The following PDE3B variants were observed in gnomAD, a reference collection of about 807,000 sequenced individuals.
The protein encoded by PDE3B is phosphodiesterase 3B.
A neutral mutation model predicts 116.8 loss-of-function variants in PDE3B; 66 were observed. That is an observed-to-expected ratio of 0.56 (90% CI 0.46 to 0.69). The LOEUF (loss-of-function observed/expected upper bound fraction) is 0.69, where lower values mean the gene tolerates loss of function less well. Among genes scored for constraint, PDE3B ranks in the 30% least tolerant of loss-of-function variants. The pLI is 0.00. For synonymous variants in PDE3B, 595 were observed against 533.6 expected, an observed-to-expected ratio of 1.12 and a Z score of -1.59; for missense variants, 1,384 against 1,368.1, an observed-to-expected ratio of 1.01 and a Z score of -0.18.
At chr11:14,646,306 A>C (rs566892795) in intron 1 of PDE3B, among the ~76,000 whole-genome samples, 2 of 152,182 alleles carry the variant, frequency 1.3e-5, no homozygotes, top group South Asian at 4.1e-4. Context: ...AAGCTACTAC[A>C]TTGGTTTTAT....
rs1848130699 is a variant in PDE3B, at chr11:14,870,877, C to T, written c.*1217C>T. ...CATACAAAAGTACATTATTAAATAA[C>T]CACATTATTAAAATAATTGCAAGAA... On this transcript the variant is annotated 3_prime_UTR_variant, in exon 16 of 16. Transcript: ENST00000282096. This position sits in a 1 kb window ranked among gnomAD's most constrained non-coding sequence, Gnocchi z 4.1. The T allele has an allele frequency of 6.6e-6, 1 of 152,104 alleles. No individual in the cohort carries two copies. The highest frequency in any genetic ancestry group is 1.9e-4 in the East Asian group (1 of 5,196). The allele number at this position is 152,104 out of a possible 1,614,324, so 9.4% of individuals were successfully genotyped here. A position where few individuals can be genotyped will look rare whatever the true frequency, so the allele number is the denominator to read the frequency against.
intron 13 of PDE3B, among the ~76,000 whole-genome samples, chr11:14,860,003 G>A (rs1437109077): frequency 6.6e-6 from 1 of 152,146 alleles, no homozygotes; most frequent in Non-Finnish European, 1.5e-5. Context: ...TGTACCTGCA[G>A]GGTAGAGAAA....
chr11:14,835,813 T>A (rs1459668210), intron 11 of PDE3B, among the ~76,000 whole-genome samples: 1 of 152,028 alleles, frequency 6.6e-6, no homozygotes, highest in Non-Finnish European at 1.5e-5. Flanking sequence ...TTTTAAAAAA[T>A]TTAGCTGGAT....
Position 14,782,848 on chromosome 11 carries a change from C to T in PDE3B, c.1030-3589C>T, listed in dbSNP as rs558573330. On this transcript the variant is annotated intron_variant, in intron 2 of 15. Coordinates refer to ENST00000282096, the MANE Select transcript of PDE3B (RefSeq NM_000922.4). ...AACCTACAGAATGGGAGAAAATTTTCGCACTCTATCCATCTGACAAAAGGG... is the reference window on the plus strand; with the variant it reads ...AACCTACAGAATGGGAGAAAATTTTTGCACTCTATCCATCTGACAAAAGGG... Among the ~76,000 whole-genome samples, 6 of 152,232 alleles carry T rather than the reference C, an allele frequency of 3.9e-5. No homozygotes were observed. In the East Asian group the frequency reaches 7.7e-4, roughly 20 times the overall value.
At chr11:14,735,711 A>G (rs1276353765) in intron 1 of PDE3B, among the ~76,000 whole-genome samples, 2 of 152,210 alleles carry the variant, frequency 1.3e-5, no homozygotes, top group Non-Finnish European at 2.9e-5. Flanking sequence ...TAGTGGCTCC[A>G]TATTAGAGTG....
At position 14,645,114 on chromosome 11, in the gene PDE3B, T is replaced by A. The variant is rs1853355414; in HGVS notation, c.978+61T>A. The A allele has an allele frequency of 3.2e-6, 4 of 1,254,974 alleles. No individual in the cohort carries two copies. In the African/African-American group the frequency reaches 6.4e-5, roughly 20 times the overall value. 77.7% of individuals were successfully genotyped at this position (1,254,974 alleles called of 1,614,324 possible). On this transcript the variant is annotated intron_variant, in intron 1 of 15. Transcript: ENST00000282096. ...CGGGTTCGGGTTTACCGCTGCAGTT[T>A]CCGAGTTGAATTCGCTTATTTCAAA...
rs758781652 is a variant in PDE3B at position 14,830,337 on chromosome 11, G to A, written c.1808-361G>A. 6.1e-4 allele frequency among the ~76,000 whole-genome samples: 93 copies of A among 152,008 alleles called. 3 individuals carry two copies. The highest frequency in any genetic ancestry group is 1.2e-3 in the Admixed American group (19 of 15,260). On this transcript the variant is annotated intron_variant, in intron 7 of 15. Coordinates refer to ENST00000282096, the MANE Select transcript of PDE3B (RefSeq NM_000922.4). ...TTTAATCTTATTGATTTGTAATTAT[G>A]ATTTTAGAATTTTTATCTAAAACTC... is the stretch of plus-strand genomic sequence containing the variant.
intron 1 of PDE3B, among the ~76,000 whole-genome samples, chr11:14,683,174 A>G (rs1345860290): frequency 6.6e-6 from 1 of 152,172 alleles, no homozygotes; most frequent in African/African-American, 2.4e-5. Context: ...TCCTGACCTC[A>G]GGTGATCCGC....
At chr11:14,827,835 C>A (rs1428829236) in intron 7 of PDE3B, among the ~76,000 whole-genome samples, 6 of 151,982 alleles carry the variant, frequency 3.9e-5, no homozygotes, top group Non-Finnish European at 8.8e-5. Context: ...CATATGGAAC[C>A]AAAAAAGAGC....
chr11:14,722,945 T>G (rs1856167959), intron 1 of PDE3B, among the ~76,000 whole-genome samples: 1 of 152,208 alleles, frequency 6.6e-6, no homozygotes, highest in Non-Finnish European at 1.5e-5. Flanking sequence ...CAAATCTTAT[T>G]TATGAAAGTA....
chr11:14,888,380 A>G, the PDE3B span, among the ~76,000 whole-genome samples: 1 of 152,238 alleles, frequency 6.6e-6, no homozygotes. Flanking sequence ...ATTTAAACAT[A>G]TTATTATAAC....
chr11:14,808,180 G>C (rs1231867132), intron 5 of PDE3B, among the ~76,000 whole-genome samples: 1 of 151,882 alleles, frequency 6.6e-6, no homozygotes, highest in Non-Finnish European at 1.5e-5. Context: ...AAACTTAAGA[G>C]AAAAAGCTAA....
intron 1 of PDE3B, among the ~76,000 whole-genome samples, chr11:14,714,935 T>C (rs1855831904): frequency 6.6e-6 from 1 of 152,098 alleles, no homozygotes; most frequent in Non-Finnish European, 1.5e-5. Context: ...ATATTTAAAA[T>C]ATAATATCTT....
the PDE3B span, among the ~76,000 whole-genome samples, chr11:14,878,612 A>G: frequency 6.6e-6 from 1 of 152,154 alleles, no homozygotes; most frequent in South Asian, 2.1e-4. Context: ...CATTTTGCTC[A>G]AGAACAGTCC....
intron 1 of PDE3B, among the ~76,000 whole-genome samples, chr11:14,680,643 G>A (rs181122615): frequency 1.1e-4 from 16 of 152,160 alleles, no homozygotes; most frequent in Middle Eastern, 3.4e-3. Context: ...TATACATTCT[G>A]TCTACAAAAC....
At chr11:14,890,938 C>T in the PDE3B span, 2 of 985,296 alleles carry the variant, frequency 2.0e-6, no homozygotes, top group Non-Finnish European at 2.4e-6. Flanking sequence ...TGTACTTTTC[C>T]TTCAAAACAC....
chr11:14,786,355 A>G, intron 2 of PDE3B, 82 bp from the exon 3 acceptor site: 1 of 1,016,208 alleles, frequency 9.8e-7, no homozygotes, highest in Non-Finnish European at 1.4e-6. Flanking sequence ...ATATATATAA[A>G]TTTTAAGTTA....
chr11:14,673,395 CTT>C (rs1433463538), intron 1 of PDE3B, among the ~76,000 whole-genome samples: 1 of 151,030 alleles, frequency 6.6e-6, no homozygotes, highest in Non-Finnish European at 1.5e-5. Context: ...CTGGTAGTGA[CTT>C]TGAAATTAAA....
At chr11:14,879,390 A>T in the PDE3B span, 2 of 1,608,896 alleles carry the variant, frequency 1.2e-6, no homozygotes, top group East Asian at 2.2e-5. Context: ...TTGTCGTCCC[A>T]AGAAGGCTTC....
Sources: allele counts gnomAD v4.1 joint callset (sites outside exome capture counted in the v4.1 genomes callset), GRCh38; gene constraint gnomAD v4.1.1; non-coding constraint Gnocchi (gnomAD v3.1); transcripts MANE v1.5; gene names NCBI Gene and HGNC (gene_info 2026-07-23, HGNC 2026-07-21).